Variants in SMIM13 observed in about 807,000 individuals in gnomAD.
SMIM13 encodes small integral membrane protein 13.
SMIM13 carries 3 observed loss-of-function variants against 5.9 expected under a neutral mutation model. That is an observed-to-expected ratio of 0.51 (90% confidence interval 0.23 to 1.31). The LOEUF is 1.31. SMIM13 is among the 40% of genes most tolerant of loss of function. The pLI is 0.18. For missense variants in SMIM13, 85 were observed against 109.9 expected (o/e 0.77, Z 1.01); for synonymous variants, 55 against 46.0 (o/e 1.19, Z -0.79).
At chr6:11,105,497 T>A (rs576682104) in intron 1 of SMIM13, 2 of 582,524 alleles carry the variant, frequency 3.4e-6, no homozygotes, top group South Asian at 2.3e-5. Context: ...TAAAGAGGAA[T>A]TTTAGATCTT....
intron 1 of SMIM13, among the ~76,000 whole-genome samples, chr6:11,123,859 TTGTA>T (rs1758342539): frequency 6.6e-6 from 1 of 152,226 alleles, no homozygotes; most frequent in Non-Finnish European, 1.5e-5. Flanking sequence ...CAATACATTA[TTGTA>T]TGTATTTTTT....
chr6:11,123,839 T>C (rs1252529608), intron 1 of SMIM13, among the ~76,000 whole-genome samples: 1 of 152,236 alleles, frequency 6.6e-6, no homozygotes, highest in Non-Finnish European at 1.5e-5. Context: ...TCTAGCTATT[T>C]TGAAATATAC....
rs1434964819 is a variant in SMIM13, at chr6:11,137,604, C to G, written c.*3002C>G. The G allele has an allele frequency of 6.6e-6, 1 of 152,150 alleles. No homozygotes were observed. The highest frequency in any genetic ancestry group is 2.4e-5 in the African/African-American group (1 of 41,440). 9.4% of individuals were successfully genotyped at this position (152,150 alleles called of 1,614,324 possible). Reference sequence around the variant, plus strand: ...GCATGCCATCTTTTGAAGATTAATTCTAAAATTGAGGACTCTGGTAGGTTG... The same window carrying G: ...GCATGCCATCTTTTGAAGATTAATTGTAAAATTGAGGACTCTGGTAGGTTG... On this transcript the variant is annotated 3_prime_UTR_variant, in exon 2 of 2. Transcript: ENST00000416247.
At chr6:11,103,463 A>G (rs1758029100) in intron 1 of SMIM13, 5 of 559,098 alleles carry the variant, frequency 8.9e-6, no homozygotes, top group African/African-American at 3.7e-5. Context: ...CCCCCCCTCA[A>G]GAGTCCAAGA....
chr6:11,124,209 G>C (rs542033301), intron 1 of SMIM13, among the ~76,000 whole-genome samples: 173 of 152,272 alleles, frequency 1.1e-3, no homozygotes, highest in African/African-American at 3.9e-3. Flanking sequence ...AAGTTCAGTT[G>C]TTTTAATTCT....
intron 1 of SMIM13, among the ~76,000 whole-genome samples, chr6:11,098,039 G>T (rs1333020547): frequency 6.6e-6 from 1 of 152,026 alleles, no homozygotes; most frequent in African/African-American, 2.4e-5. Context: ...CTTTGGGCTG[G>T]GTCTCCTGTT....
intron 1 of SMIM13, among the ~76,000 whole-genome samples, chr6:11,124,518 T>C (rs1212613246): frequency 6.6e-6 from 1 of 152,192 alleles, no homozygotes; most frequent in African/African-American, 2.4e-5. Context: ...GGTGGGGAAA[T>C]ACCTAGCAGT....
At chr6:11,097,690 T>C (rs116611423) in intron 1 of SMIM13, among the ~76,000 whole-genome samples, 5,066 of 151,144 alleles carry the variant, frequency 0.034, 202 homozygotes, top group East Asian at 0.12. Context: ...AAAAACCTTA[T>C]CTCCAAATAC....
At chr6:11,099,614 A>G (rs372860006) in intron 1 of SMIM13, among the ~76,000 whole-genome samples, 1 of 152,348 alleles carries the variant, frequency 6.6e-6, no homozygotes, top group East Asian at 1.9e-4. Context: ...CTCAATAAAC[A>G]TTTGTTCAAC....
In SMIM13 at chr6:11,100,441, A is replaced by G. The variant is rs548326618; in HGVS notation, c.76+6052A>G. On this transcript the variant is annotated intron_variant, in intron 1 of 1. Coordinates refer to ENST00000416247, the MANE Select transcript of SMIM13 (RefSeq NM_001135575.2). ...ATCAGTGGTATTTCCCACGTGTTCA[A>G]ATGGATTGCTTTTCCCCTCCTTCCC... Among the ~76,000 whole-genome samples the G allele has an allele frequency of 3.2e-4, 48 of 152,040 alleles. 1 individual carries two copies. The highest frequency in any genetic ancestry group is 6.5e-4 in the Non-Finnish European group (44 of 68,012).
chr6:11,119,936 A>G (rs1758289922), intron 1 of SMIM13, among the ~76,000 whole-genome samples: 1 of 152,226 alleles, frequency 6.6e-6, no homozygotes, highest in African/African-American at 2.4e-5. Flanking sequence ...CAATAGAGGG[A>G]GAATTTTAAG....
At chr6:11,112,993 A>G (rs568482281) in intron 1 of SMIM13, among the ~76,000 whole-genome samples, 2 of 151,642 alleles carry the variant, frequency 1.3e-5, no homozygotes, top group African/African-American at 2.4e-5. Context: ...ATTTTATTAT[A>G]TATTTTTTTG....
At position 11,128,894 on chromosome 6, in the gene SMIM13, C is replaced by CT. The variant is rs1482709764; in HGVS notation, c.77-5508dup. ...CAGATTCTCTTTCCATGGCATGTGA[C>CT]TGCTGCTGGCAGGGGAGGGAGGGTA... is the stretch of plus-strand genomic sequence containing the variant. On this transcript the variant is annotated intron_variant, in intron 1 of 1. Transcript: ENST00000416247. Among the ~76,000 whole-genome samples, 7 of 152,132 alleles carry CT rather than the reference C, an allele frequency of 4.6e-5. No homozygotes were observed. In the East Asian group the frequency reaches 1.2e-3, roughly 25 times the overall value.
intron 1 of SMIM13, among the ~76,000 whole-genome samples, chr6:11,110,900 C>T (rs1373842306): frequency 6.6e-6 from 1 of 152,146 alleles, no homozygotes; most frequent in Non-Finnish European, 1.5e-5. Context: ...TCCTTAAGGG[C>T]TACAGAGTGA....
intron 1 of SMIM13, among the ~76,000 whole-genome samples, chr6:11,133,314 C>T (rs1168761285): frequency 6.6e-6 from 1 of 152,106 alleles, no homozygotes; most frequent in African/African-American, 2.4e-5. Context: ...AAAGCAAAAA[C>T]TTGAGAAATG....
At chr6:11,112,608 A>G (rs2113652373) in intron 1 of SMIM13, among the ~76,000 whole-genome samples, 2 of 152,170 alleles carry the variant, frequency 1.3e-5, no homozygotes, top group Middle Eastern at 3.4e-3. Context: ...AAATCACACA[A>G]CATGCTTTTT....
chr6:11,114,142 G>T (rs959543409), intron 1 of SMIM13, among the ~76,000 whole-genome samples: 2 of 151,428 alleles, frequency 1.3e-5, no homozygotes, highest in Non-Finnish European at 2.9e-5. Context: ...ACCACGCCTG[G>T]CTGATTTTTG....
intron 1 of SMIM13, among the ~76,000 whole-genome samples, chr6:11,130,253 TAAA>T (rs35012412): frequency 7.1e-6 from 1 of 140,164 alleles, no homozygotes; most frequent in Non-Finnish European, 1.6e-5. Flanking sequence ...GTAGTCATTG[TAAA>T]AAAAAAAAAA....
At chr6:11,120,519 A>G (rs539439659) in intron 1 of SMIM13, among the ~76,000 whole-genome samples, 1 of 152,290 alleles carries the variant, frequency 6.6e-6, no homozygotes, top group Admixed American at 6.5e-5. Flanking sequence ...CCTATGACCT[A>G]ATCACCTCCC....
Sources: gnomAD v4.1 joint callset for allele counts (sites outside exome capture counted in the v4.1 genomes callset) on GRCh38, gnomAD v4.1.1 for gene constraint, MANE v1.5 for transcripts, NCBI Gene and HGNC (gene_info 2026-07-23, HGNC 2026-07-21) for gene names.